Variants in CFAP61 observed in about 807,000 individuals in gnomAD.
CFAP61 encodes cilia- and flagella-associated protein 61.
Under a neutral mutation model 135.6 loss-of-function variants are expected in CFAP61, and 107 were observed. That is an observed-to-expected ratio of 0.79 (90% CI 0.67 to 0.93). CFAP61 has a LOEUF of 0.93. Ranked by LOEUF, CFAP61 falls within the 40% of genes least tolerant of loss-of-function variation. The pLI, the probability that CFAP61 is intolerant of heterozygous loss-of-function variation, is 0.00. For synonymous variants in CFAP61, 575 were observed against 578.5 expected (o/e 0.99, Z 0.09); for missense variants, 1,507 against 1,556.2 (o/e 0.97, Z 0.53).
In CFAP61 at chr20:20,298,375, A is replaced by G. The variant is rs2055806991; in HGVS notation, c.3411A>G (p.Thr1137=). 6.2e-7 allele frequency: 1 copy of G among 1,613,666 alleles called. No individual in the cohort carries two copies. The highest frequency in any genetic ancestry group is 1.7e-5 in the Admixed American group (1 of 60,004). Residue 1137 remains threonine (T), a synonymous_variant, in exon 25 of 27, where the codon ACA becomes ACG. Coordinates refer to ENST00000245957, the MANE Select transcript of CFAP61 (RefSeq NM_015585.4). ...CTCGGTACGATGAAAACCTGATCACAGATCTCTATAGGTGAGTTGGACATT... is the reference window on the plus strand; with the variant it reads ...CTCGGTACGATGAAAACCTGATCACGGATCTCTATAGGTGAGTTGGACATT... The part of the protein sequence containing the change: ...LCARYDENLI[T]DLYSYFTEPW...
chr20:20,342,689 C>G (rs1480229505), intron 26 of CFAP61, among the ~76,000 whole-genome samples: 1 of 152,156 alleles, frequency 6.6e-6, no homozygotes, highest in Non-Finnish European at 1.5e-5. Context: ...GGAGCCCCCA[C>G]GCGCCTTATT....
At chr20:20,213,338 G>A (rs2047801347) in intron 17 of CFAP61, among the ~76,000 whole-genome samples, 1 of 152,164 alleles carries the variant, frequency 6.6e-6, no homozygotes, top group South Asian at 2.1e-4. Context: ...TCCAGCTTGT[G>A]AAAGTATAAC....
At chr20:20,152,396 G>T (rs1045782096) in intron 9 of CFAP61, among the ~76,000 whole-genome samples, 9 of 151,792 alleles carry the variant, frequency 5.9e-5, no homozygotes, top group African/African-American at 1.7e-4. Context: ...AATGTAAATG[G>T]TGTAAATGTT....
At chr20:20,112,890 C>A (rs1198150980) in intron 8 of CFAP61, among the ~76,000 whole-genome samples, 1 of 152,012 alleles carries the variant, frequency 6.6e-6, no homozygotes, top group African/African-American at 2.4e-5. Flanking sequence ...TTATGAATAT[C>A]TGTGGTTGTG....
intron 26 of CFAP61, among the ~76,000 whole-genome samples, chr20:20,348,831 G>A: frequency 6.7e-6 from 1 of 150,364 alleles, no homozygotes; most frequent in East Asian, 1.9e-4. Flanking sequence ...CAATAGAAGG[G>A]AATGTCTCCA....
chr20:20,171,027 T>C (rs1028219525), intron 13 of CFAP61, among the ~76,000 whole-genome samples: 2 of 152,052 alleles, frequency 1.3e-5, no homozygotes, highest in Non-Finnish European at 2.9e-5. Context: ...CACAGAGAGG[T>C]TGAGTAACTA....
intron 8 of CFAP61, among the ~76,000 whole-genome samples, chr20:20,099,127 T>TCA (rs11087302): frequency 0.15 from 22,130 of 149,164 alleles, 2,050 homozygotes; most frequent in African/African-American, 0.27. Context: ...GTTTCAGGTT[T>TCA]CACACACACA....
intron 6 of CFAP61, among the ~76,000 whole-genome samples, chr20:20,079,130 C>G (rs1268188361): frequency 6.6e-6 from 1 of 152,200 alleles, no homozygotes; most frequent in East Asian, 1.9e-4. Context: ...CCCTCCTGCC[C>G]AGACATTGGC....
chr20:20,317,970 G>A (rs2057231901), intron 25 of CFAP61, among the ~76,000 whole-genome samples: 1 of 152,200 alleles, frequency 6.6e-6, no homozygotes, highest in Admixed American at 6.5e-5. Flanking sequence ...TAGGCTTTCT[G>A]CATGTGATAA....
At chr20:20,287,171 G>A (rs1430957455) in intron 22 of CFAP61, among the ~76,000 whole-genome samples, 1 of 152,072 alleles carries the variant, frequency 6.6e-6, no homozygotes, top group Non-Finnish European at 1.5e-5. Flanking sequence ...TGTGGCCACT[G>A]GGTAAGAGTT....
chr20:20,287,004 A>C (rs2054631393), intron 22 of CFAP61, among the ~76,000 whole-genome samples: 1 of 152,230 alleles, frequency 6.6e-6, no homozygotes, highest in East Asian at 1.9e-4. Flanking sequence ...GTTTTTATTT[A>C]TAATTTAAAT....
intron 2 of CFAP61, among the ~76,000 whole-genome samples, chr20:20,067,665 T>TA (rs1404003409): frequency 2.3e-5 from 3 of 132,014 alleles, no homozygotes; most frequent in African/African-American, 2.9e-5. Flanking sequence ...ATATATATAA[T>TA]ATATATATTT....
chr20:20,094,104 A>G (rs1056973216), intron 7 of CFAP61, among the ~76,000 whole-genome samples: 1 of 152,240 alleles, frequency 6.6e-6, no homozygotes, highest in Non-Finnish European at 1.5e-5. Flanking sequence ...TGTGGGTATT[A>G]GTTTCTGAAG....
At chr20:20,339,774 T>A (rs900475250) in intron 25 of CFAP61, among the ~76,000 whole-genome samples, 4 of 152,192 alleles carry the variant, frequency 2.6e-5, no homozygotes, top group Non-Finnish European at 5.9e-5. Context: ...TGACACATCA[T>A]ACCTGGTTCC....
At chr20:20,297,410 C>T (rs2055722746) in intron 24 of CFAP61, among the ~76,000 whole-genome samples, 1 of 152,148 alleles carries the variant, frequency 6.6e-6, no homozygotes, top group Non-Finnish European at 1.5e-5. Flanking sequence ...AAGGTTCAGT[C>T]ACCCCCCACA....
chr20:20,267,376 G>C (rs2052849285), intron 21 of CFAP61: 1 of 152,652 alleles, frequency 6.6e-6, no homozygotes, highest in South Asian at 2.1e-4. Flanking sequence ...TTACCTTTTA[G>C]GGATGGGAGC....
chr20:20,287,147 G>T (rs79668199), intron 22 of CFAP61, among the ~76,000 whole-genome samples: 1,520 of 151,926 alleles, frequency 0.01, 29 homozygotes, highest in African/African-American at 0.036. Context: ...GAGACTCAGA[G>T]AAATATATTT....
At chr20:20,254,818 C>T (rs908388397) in intron 20 of CFAP61, among the ~76,000 whole-genome samples, 1 of 152,190 alleles carries the variant, frequency 6.6e-6, no homozygotes, top group Non-Finnish European at 1.5e-5. Flanking sequence ...AAATGGCACG[C>T]CTCACTCTAA....
At chr20:20,245,663 T>C (rs1229687476) in intron 18 of CFAP61, among the ~76,000 whole-genome samples, 1 of 152,098 alleles carries the variant, frequency 6.6e-6, no homozygotes, top group African/African-American at 2.4e-5. Context: ...ATAGGGATAA[T>C]AGTATTACTG....
Sources: gnomAD v4.1 joint callset for allele counts (sites outside exome capture counted in the v4.1 genomes callset) on GRCh38, gnomAD v4.1.1 for gene constraint, MANE v1.5 for transcripts, NCBI Gene and HGNC (gene_info 2026-07-23, HGNC 2026-07-21) for gene names.